KLK7: variants seen among roughly 807,000 people sequenced by gnomAD.
KLK7 encodes the protein kallikrein-7.
A neutral mutation model predicts 21.0 loss-of-function variants in KLK7; 17 were observed. The observed-to-expected ratio is 0.81, with a 90% confidence interval of 0.55 to 1.21. The LOEUF is 1.21. Ranked by LOEUF, KLK7 falls within the 50% of genes most tolerant of loss-of-function variation. KLK7 has a pLI of 0.00. For synonymous variants in KLK7, 151 were observed against 134.6 expected (o/e 1.12, Z -0.85); for missense variants, 330 against 322.8 (o/e 1.02, Z -0.17).
rs1159332899 is a variant in KLK7 at position 50,979,796 on chromosome 19, C to T, written c.598G>A (p.Ala200Thr). The T allele has an allele frequency of 3.8e-6, 6 of 1,570,888 alleles. No homozygotes were observed. The highest frequency in any genetic ancestry group is 5.2e-6 in the Non-Finnish European group (6 of 1,156,888). Residue 200 changes from alanine to threonine, a missense_variant, in exon 5 of 6, where the codon GCC becomes ACC. By Grantham distance (58) the Ala-to-Thr change is moderately conservative. Coordinates refer to ENST00000595820, the MANE Select transcript of KLK7 (RefSeq NM_005046.4). Reference sequence around the variant, plus strand: ...GGGGGGGAGGGTCTCACATTGCAGGCGTTTTTCTTGGAGTCGGGGATGCCA... The same window carrying T: ...GGGGGGGAGGGTCTCACATTGCAGGTGTTTTTCTTGGAGTCGGGGATGCCA... The part of the protein sequence containing the change: ...CAGIPDSKKN[A>T]CNGDSGGPLV...
chr19:50,981,706 C>T, intron 3 of KLK7, 61 bp downstream of exon 3: 1 of 1,465,026 alleles, frequency 6.8e-7, no homozygotes. Flanking sequence ...ACTGCCCTTC[C>T]ACCCCCATAG....
intron 3 of KLK7, among the ~76,000 whole-genome samples, chr19:50,980,843 CCCAGAGAGAGAGGGGGACAGAGAT>C (rs2091075151): frequency 2.7e-5 from 2 of 74,762 alleles, no homozygotes; most frequent in African/African-American, 3.8e-5. Context: ...GGAACAGAGA[CCCAGAGAGAGAGGGGGACAGAGAT>C]CCAGAGAGAG....
chr19:50,980,257 GT>G lies in KLK7; in HGVS notation c.451del (p.Thr151LeufsTer7). 1 of 1,613,948 alleles carries G rather than the reference GT, an allele frequency of 6.2e-7. No individual in the cohort carries two copies. The highest frequency in any genetic ancestry group is 1.1e-5 in the South Asian group (1 of 91,080). The part of the protein sequence containing the change: ...GTTCTVSGWG[T>X]TTSPDVTFPS... Reference sequence around the variant, plus strand: ...CCACCTACCATCTGGGCTCGTGGTAGTGCCCCAGCCGGAGACAGTACAGGTG... The same window carrying G: ...CCACCTACCATCTGGGCTCGTGGTAGGCCCCAGCCGGAGACAGTACAGGTG... On this transcript the variant is annotated frameshift_variant, in exon 4 of 6. Coordinates refer to ENST00000595820, the MANE Select transcript of KLK7 (RefSeq NM_005046.4). LOFTEE classifies it high-confidence loss of function.
In KLK7 at chr19:50,979,898, C is replaced by T. The variant is rs888054629; in HGVS notation, c.496G>A (p.Val166Met). ...TGGGGGGAGATGAGCTTGACATCCA[C>T]GCACATGAGGTCAGAGGGAAAGGTC... ...DVTFPSDLMC[V>M]DVKLISPQDC... Residue 166 changes from valine (V) to methionine (M), a missense_variant, in exon 5 of 6, where the codon GTG becomes ATG. Coordinates refer to ENST00000595820, the MANE Select transcript of KLK7 (RefSeq NM_005046.4). 1.4e-5 allele frequency: 23 copies of T among 1,594,870 alleles called. No individual in the cohort carries two copies. The highest frequency in any genetic ancestry group is 1.6e-4 in the Middle Eastern group (1 of 6,070).
chr19:50,976,981 G>A lies in KLK7; in HGVS notation c.*555C>T. 1 of 152,802 alleles carries A rather than the reference G, an allele frequency of 6.5e-6. No individual in the cohort carries two copies. Among genetic ancestry groups the A allele is most frequent in the Admixed American group, 6.5e-5 (1 of 15,342 alleles). The allele number at this position is 152,802 out of a possible 1,614,324, so 9.5% of individuals were successfully genotyped here. On this transcript the variant is annotated 3_prime_UTR_variant, in exon 6 of 6. Transcript: ENST00000595820. ...AATCACTTGAACCCAGGAGGCGGAG[G>A]TTGCAGTGAGCCAAGATTGCATCAC...
chr19:50,983,791 G>A, intron 1 of KLK7, 60 bp downstream of exon 1: 9 of 1,286,366 alleles, frequency 7.0e-6, no homozygotes, highest in Non-Finnish European at 9.1e-6. Flanking sequence ...GCAGAGTCAG[G>A]CTTGGAGCCA....
chr19:50,981,015 G>A (rs114045759), intron 3 of KLK7, among the ~76,000 whole-genome samples: 2,130 of 143,816 alleles, frequency 0.015, 62 homozygotes, highest in African/African-American at 0.055. Context: ...AGGGAGAGGG[G>A]GACAGAGATC....
chr19:50,983,967 C>T (rs533178042), upstream of KLK7: 10 of 1,276,694 alleles, frequency 7.8e-6, no homozygotes, highest in Non-Finnish European at 1.0e-5. Flanking sequence ...CCATGCCCGG[C>T]CCCAGCGCCC....
In KLK7 at chr19:50,979,106, A is replaced by G. The variant is rs28720865; in HGVS notation, c.606+682T>C. 6.2e-3 allele frequency among the ~76,000 whole-genome samples: 944 copies of G among 152,232 alleles called. 12 individuals carry two copies. Among genetic ancestry groups the G allele is most frequent in the African/African-American group, 0.021 (884 of 41,522 alleles). On this transcript the variant is annotated intron_variant, in intron 5 of 5. Coordinates refer to ENST00000595820, the MANE Select transcript of KLK7 (RefSeq NM_005046.4). Reference sequence around the variant, plus strand: ...AGACTGTTCAGAAACAGAGGGGATGACAAAAGGCCAGAAAGAGGGAACAGA... The same window carrying G: ...AGACTGTTCAGAAACAGAGGGGATGGCAAAAGGCCAGAAAGAGGGAACAGA...
At chr19:50,981,556 G>A (rs1161114616) in intron 3 of KLK7, among the ~76,000 whole-genome samples, 1 of 147,998 alleles carries the variant, frequency 6.8e-6, no homozygotes. Flanking sequence ...TCCAGAGAGA[G>A]GGGGACAGAG....
In KLK7 at chr19:50,983,839, G is replaced by A. The variant is rs771268467; in HGVS notation, c.-59+12C>T. 7 of 1,289,186 alleles carry A rather than the reference G, an allele frequency of 5.4e-6. No individual in the cohort carries two copies. In the South Asian group the frequency reaches 8.6e-5, roughly 16 times the overall value. 79.9% of individuals were successfully genotyped at this position (1,289,186 alleles called of 1,614,324 possible). Reference sequence around the variant, plus strand: ...CCCCTACAGGTGCACCCTTGATGAAGCCTCTTCTCACCTCGAGAGGATCTG... The same window carrying A: ...CCCCTACAGGTGCACCCTTGATGAAACCTCTTCTCACCTCGAGAGGATCTG... On this transcript the variant is annotated intron_variant, in intron 1 of 5. Coordinates refer to ENST00000595820, the MANE Select transcript of KLK7 (RefSeq NM_005046.4).
chr19:50,977,345 G>A lies in KLK7; in HGVS notation c.*191C>T, dbSNP rs181696425. 7.5e-5 allele frequency: 45 copies of A among 596,880 alleles called. No individual in the cohort carries two copies. The Middle Eastern group carries it at 1.7e-3, about 23-fold the overall frequency. The allele number at this position is 596,880 out of a possible 1,614,324, so 37.0% of individuals were successfully genotyped here. On this transcript the variant is annotated 3_prime_UTR_variant, in exon 6 of 6. Coordinates refer to ENST00000595820, the MANE Select transcript of KLK7 (RefSeq NM_005046.4). ...TCACTGACTCTTCTCCAGCACTGAGGGTTTTGTGTTTCTTTATTTGTTTTG... is the reference window on the plus strand; with the variant it reads ...TCACTGACTCTTCTCCAGCACTGAGAGTTTTGTGTTTCTTTATTTGTTTTG...
Position 50,979,782 on chromosome 19 carries a change from T to C in KLK7, c.606+6A>G. ...ACTGGGGAGGAATTGGGGGGGAGGG[T>C]CTCACATTGCAGGCGTTTTTCTTGG... On this transcript the variant is annotated splice_donor_region_variant and intron_variant, in intron 5 of 5. Coordinates refer to ENST00000595820, the MANE Select transcript of KLK7 (RefSeq NM_005046.4). The C allele has an allele frequency of 6.4e-7, 1 of 1,564,304 alleles. No individual in the cohort carries two copies. Among genetic ancestry groups the C allele is most frequent in the South Asian group, 1.2e-5 (1 of 84,950 alleles).
chr19:50,978,925 G>T (rs1472255194), intron 5 of KLK7, among the ~76,000 whole-genome samples: 1 of 149,574 alleles, frequency 6.7e-6, no homozygotes, highest in Admixed American at 6.7e-5. Context: ...GGGAGGGGAG[G>T]AGAGAGAGAG....
intron 5 of KLK7, among the ~76,000 whole-genome samples, chr19:50,977,945 G>A (rs1394852618): frequency 6.6e-6 from 1 of 152,104 alleles, no homozygotes; most frequent in Admixed American, 6.5e-5. Flanking sequence ...CAGGATCAGA[G>A]CACTCTTTAT....
intron 1 of KLK7, among the ~76,000 whole-genome samples, chr19:50,982,828 TCAGACCTAGG>T: frequency 1.2e-5 from 1 of 84,356 alleles, no homozygotes; most frequent in Non-Finnish European, 2.3e-5. Context: ...TCCTCCTCCC[TCAGACCTAGG>T]AGTCCAGGTC....
intron 5 of KLK7, among the ~76,000 whole-genome samples, chr19:50,978,545 G>C (rs958494734): frequency 6.8e-6 from 1 of 146,854 alleles, no homozygotes; most frequent in Non-Finnish European, 1.5e-5. Flanking sequence ...GGGAGATGGG[G>C]AGGGTGTGGG....
intron 1 of KLK7, among the ~76,000 whole-genome samples, chr19:50,983,511 C>T (rs2091108049): frequency 6.8e-6 from 1 of 146,120 alleles, no homozygotes; most frequent in Non-Finnish European, 1.5e-5. Flanking sequence ...CCCAGCCCCT[C>T]CTCCCTCAGA....
chr19:50,979,773 G>C lies in KLK7; in HGVS notation c.606+15C>G, dbSNP rs201887544. On this transcript the variant is annotated intron_variant, in intron 5 of 5. Coordinates refer to ENST00000595820, the MANE Select transcript of KLK7 (RefSeq NM_005046.4). ...GTACCCAGGACTGGGGAGGAATTGG[G>C]GGGGAGGGTCTCACATTGCAGGCGT... 2.9e-5 allele frequency: 46 copies of C among 1,563,036 alleles called. No individual in the cohort carries two copies. The highest frequency in any genetic ancestry group is 1.7e-4 in the Admixed American group (9 of 52,542).
Sources: allele counts gnomAD v4.1 joint callset (sites outside exome capture counted in the v4.1 genomes callset), GRCh38; gene constraint gnomAD v4.1.1; transcripts MANE v1.5; gene names NCBI Gene and HGNC (gene_info 2026-07-23, HGNC 2026-07-21).